The following DAGLB variants were observed in gnomAD, a reference collection of about 807,000 sequenced individuals.
DAGLB encodes the protein diacylglycerol lipase beta, also known as diacylglycerol lipase-beta.
DAGLB carries 66 observed loss-of-function variants against 72.1 expected under a neutral mutation model. That is an observed-to-expected ratio of 0.92 (90% CI 0.75 to 1.12). DAGLB has a LOEUF of 1.12. DAGLB is among the 50% of genes most tolerant of loss of function. The probability of loss-of-function intolerance (pLI) is 0.00; values close to 1 mark genes in which losing one functional copy is unlikely to be tolerated. For synonymous variants in DAGLB, 414 were observed against 359.5 expected (o/e 1.15, Z -1.71); for missense variants, 1,065 against 884.9 (o/e 1.20, Z -2.58).
intron 2 of DAGLB, among the ~76,000 whole-genome samples, chr7:6,442,958 G>C (rs35693924): frequency 6.6e-6 from 1 of 150,684 alleles, no homozygotes; most frequent in African/African-American, 2.4e-5. Context: ...CGGATCACGA[G>C]GTCAAGAGAT....
Position 6,409,950 on chromosome 7 carries a change from G to A in DAGLB, c.1906C>T (p.Leu636Phe). ...FSKILIGPKM[L>F]TDHMPDILMR... The stretch of plus-strand genomic sequence containing the variant: ...AGGATGTCTGGCATGTGGTCGGTGA[G>A]CATCTTCGGACCTATGAGTATTTTG... The change falls in exon 15 of 15, where the codon CTC (leucine) becomes TTC (phenylalanine). Residue 636 changes from leucine to phenylalanine, a missense_variant. Transcript: ENST00000297056. 1 of 1,614,142 alleles carries A rather than the reference G, an allele frequency of 6.2e-7. No homozygotes were observed. The highest frequency in any genetic ancestry group is 8.5e-7 in the Non-Finnish European group (1 of 1,180,036).
intron 11 of DAGLB, 89 bp downstream of exon 11, chr7:6,416,538 A>G (rs1360785230): frequency 2.0e-6 from 3 of 1,506,460 alleles, no homozygotes; most frequent in Non-Finnish European, 2.7e-6. Flanking sequence ...GCAAGACTTC[A>G]TCTCAGGAAA....
At chr7:6,438,322 C>T (rs56191759) in intron 2 of DAGLB, among the ~76,000 whole-genome samples, 2,049 of 152,062 alleles carry the variant, frequency 0.013, 35 homozygotes, top group Non-Finnish European at 0.019. Flanking sequence ...GCATGTTGTG[C>T]ACATGTACCA....
chr7:6,420,919 G>T lies in DAGLB; in HGVS notation c.1218+808C>A, dbSNP rs190649673. Among the ~76,000 whole-genome samples, 490 of 152,320 alleles carry T rather than the reference G, an allele frequency of 3.2e-3. 5 individuals carry two copies. The highest frequency in any genetic ancestry group is 5.6e-3 in the Non-Finnish European group (379 of 68,024). On this transcript the variant is annotated intron_variant, in intron 9 of 14. Coordinates refer to ENST00000297056, the MANE Select transcript of DAGLB (RefSeq NM_139179.4). ...GAATGACCCGGCAGAGCGCCCGTGGGGTGGGCCTGCCTCCTGAGACCCTGG... is the reference window on the plus strand; with the variant it reads ...GAATGACCCGGCAGAGCGCCCGTGGTGTGGGCCTGCCTCCTGAGACCCTGG...
chr7:6,410,388 C>G lies in DAGLB; in HGVS notation c.1570-8G>C, dbSNP rs546940753. The stretch of plus-strand genomic sequence containing the variant: ...GTGCAGCAAGATCTTGTACTGAGGG[C>G]GAGACCCAATCAGTAGAATGCTGTC... On this transcript the variant is annotated splice_region_variant and splice_polypyrimidine_tract_variant and intron_variant, in intron 13 of 14. Coordinates refer to ENST00000297056, the MANE Select transcript of DAGLB (RefSeq NM_139179.4). The G allele has an allele frequency of 7.5e-6, 12 of 1,600,760 alleles. No homozygotes were observed. Among genetic ancestry groups the G allele is most frequent in the African/African-American group, 1.3e-5 (1 of 74,514 alleles).
chr7:6,419,072 T>C (rs1784021105), intron 9 of DAGLB, among the ~76,000 whole-genome samples: 1 of 148,374 alleles, frequency 6.7e-6, no homozygotes, highest in Non-Finnish European at 1.5e-5. Flanking sequence ...TGCATTCAGA[T>C]GGCACTTCCT....
rs751896933 is a variant in DAGLB at position 6,409,994 on chromosome 7, G to A, written c.1862C>T (p.Ser621Leu). 6.2e-7 allele frequency: 1 copy of A among 1,614,102 alleles called. No individual in the cohort carries two copies. The highest frequency in any genetic ancestry group is 1.1e-5 in the South Asian group (1 of 91,054). The change falls in exon 15 of 15, where the codon TCA becomes TTA. Residue 621 changes from serine to leucine, a missense_variant. Ser to Leu is a moderately radical substitution (Grantham distance 145). Transcript: ENST00000297056. ...TATTTTGCTGAATTCCGCTTCGTGTGACCACTTGGCGCTATAGTGAGCAGC... is the reference window on the plus strand; with the variant it reads ...TATTTTGCTGAATTCCGCTTCGTGTAACCACTTGGCGCTATAGTGAGCAGC... ...CSAAHYSAKW[S>L]HEAEFSKILI... is the part of the protein sequence containing the mutation.
chr7:6,430,740 C>T (rs1045481373), intron 5 of DAGLB, 133 bp from the exon 6 acceptor site: 6 of 1,072,778 alleles, frequency 5.6e-6, no homozygotes, highest in Non-Finnish European at 6.1e-6. Context: ...CTCAGACGCC[C>T]ACAGGCAAAA....
chr7:6,409,566 C>T lies in DAGLB; in HGVS notation c.*271G>A. 1 of 512,054 alleles carries T rather than the reference C, an allele frequency of 2.0e-6. No individual in the cohort carries two copies. The highest frequency in any genetic ancestry group is 3.5e-6 in the Non-Finnish European group (1 of 283,652). The allele number at this position is 512,054 out of a possible 1,614,324, so 31.7% of individuals were successfully genotyped here. ...TCCTCAGACAGCCAAGGGATCCATC[C>T]ACGGGCCAGGGCTTCCCGAGGCTGT... On this transcript the variant is annotated 3_prime_UTR_variant, in exon 15 of 15. Transcript: ENST00000297056.
intron 7 of DAGLB, among the ~76,000 whole-genome samples, chr7:6,425,452 A>G (rs1784276681): frequency 6.6e-6 from 1 of 152,126 alleles, no homozygotes; most frequent in Non-Finnish European, 1.5e-5. Flanking sequence ...TTGTATTTTT[A>G]GTAGAGATGG....
Position 6,409,418 on chromosome 7 carries a change from G to A in DAGLB, c.*419C>T, listed in dbSNP as rs1287019842. ...TCCATTTGTACATCCAGGAAGCCCA[G>A]TTTGAAAAACAAACCACGCCTGTAA... On this transcript the variant is annotated 3_prime_UTR_variant, in exon 15 of 15. Transcript: ENST00000297056. 1 of 177,984 alleles carries A rather than the reference G, an allele frequency of 5.6e-6. No individual in the cohort carries two copies. Among genetic ancestry groups the A allele is most frequent in the African/African-American group, 2.4e-5 (1 of 42,156 alleles). The allele number at this position is 177,984 out of a possible 1,614,324, so 11.0% of individuals were successfully genotyped here. A position where few individuals can be genotyped will look rare whatever the true frequency, so the allele number is the denominator to read the frequency against.
At chr7:6,411,758 C>G (rs566552423) in intron 13 of DAGLB, among the ~76,000 whole-genome samples, 2 of 152,174 alleles carry the variant, frequency 1.3e-5, no homozygotes, top group African/African-American at 2.4e-5. Context: ...TCTACCGACA[C>G]TAAACAAAAC....
In DAGLB at chr7:6,421,823, A is replaced by G; in HGVS notation, c.1141-19T>C. The G allele has an allele frequency of 6.2e-7, 1 of 1,611,170 alleles. No individual in the cohort carries two copies. The highest frequency in any genetic ancestry group is 8.5e-7 in the Non-Finnish European group (1 of 1,178,932). ...GGACATCCTGTAAAAAGGGCGTTGC[A>G]GAAGCGGCCGTCAGCCTGTGATGGG... On this transcript the variant is annotated intron_variant, in intron 8 of 14. Coordinates refer to ENST00000297056, the MANE Select transcript of DAGLB (RefSeq NM_139179.4).
chr7:6,446,703 T>C (rs909379351), intron 1 of DAGLB, among the ~76,000 whole-genome samples: 2 of 151,210 alleles, frequency 1.3e-5, no homozygotes, highest in African/African-American at 2.4e-5. Flanking sequence ...GCCTGGAATA[T>C]AATTGCCAAC....
chr7:6,432,950 G>C lies in DAGLB; in HGVS notation c.688C>G (p.Leu230Val), dbSNP rs774723594. ...CCCGCCGCAATGTCGCTGGGCACCA[G>C]ATCTGTGTCCTGGGTGGGAAACCAC... ...LFSTYFSDTD[L>V]VPSDIAAGLA... is the part of the protein sequence containing the mutation. The change falls in exon 5 of 15, where the codon CTG becomes GTG. Residue 230 changes from leucine to valine, a missense_variant. Coordinates refer to ENST00000297056, the MANE Select transcript of DAGLB (RefSeq NM_139179.4). 2 of 1,613,662 alleles carry C rather than the reference G, an allele frequency of 1.2e-6. No individual in the cohort carries two copies. The highest frequency in any genetic ancestry group is 8.5e-7 in the Non-Finnish European group (1 of 1,179,882).
intron 2 of DAGLB, among the ~76,000 whole-genome samples, chr7:6,437,085 C>T (rs982774117): frequency 6.6e-6 from 1 of 150,666 alleles, no homozygotes; most frequent in Non-Finnish European, 1.5e-5. Flanking sequence ...ACCCAGGAGG[C>T]GGAGGTTGCA....
intron 8 of DAGLB, among the ~76,000 whole-genome samples, chr7:6,423,335 G>C (rs184447752): frequency 2.6e-5 from 4 of 152,148 alleles, no homozygotes; most frequent in African/African-American, 4.8e-5. Flanking sequence ...GGCCAAAAGC[G>C]GGGCCATGGC....
At position 6,426,080 on chromosome 7, in the gene DAGLB, C is replaced by T. The variant is rs1341642138; in HGVS notation, c.964G>A (p.Gly322Arg). 8 of 1,613,830 alleles carry T rather than the reference C, an allele frequency of 5.0e-6. No individual in the cohort carries two copies. Among genetic ancestry groups the T allele is most frequent in the South Asian group, 3.3e-5 (3 of 91,078 alleles). ...RSRTTDYDLV[G>R]GDQLNCHFGS... ...AAGTGACAGTTGAGCTGATCGCCTC[C>T]GACCAAGTCATAGTCTGTGGTTCTG... is the stretch of plus-strand genomic sequence containing the variant. Residue 322 changes from glycine to arginine, a missense_variant, in exon 7 of 15, where the codon GGA (glycine) becomes AGA (arginine). Transcript: ENST00000297056.
chr7:6,434,988 A>G lies in DAGLB; in HGVS notation c.452T>C (p.Ile151Thr), dbSNP rs766265972. Residue 151 changes from isoleucine (I) to threonine (T), a missense_variant, in exon 4 of 15, where the codon ATT becomes ACT. Transcript: ENST00000297056. ...CCCAAGAGGGTCAAAGACAATGATA[A>G]TGGAAACCACTGTGGCAGCGATGAT... is the stretch of plus-strand genomic sequence containing the variant. ...WIIIAATVVS[I>T]IIVFDPLGGK... is the part of the protein sequence containing the mutation. 25 of 1,613,828 alleles carry G rather than the reference A, an allele frequency of 1.5e-5. No individual in the cohort carries two copies. The highest frequency in any genetic ancestry group is 2.1e-5 in the Non-Finnish European group (25 of 1,180,030).
Sources: gnomAD v4.1 joint callset for allele counts (sites outside exome capture counted in the v4.1 genomes callset) on GRCh38, gnomAD v4.1.1 for gene constraint, MANE v1.5 for transcripts, NCBI Gene and HGNC (gene_info 2026-07-23, HGNC 2026-07-21) for gene names.